JAK1: variants seen among roughly 807,000 people sequenced by gnomAD.
JAK1 encodes the protein tyrosine-protein kinase JAK1.
Under a neutral mutation model 136.6 loss-of-function variants are expected in JAK1, and 16 were observed. The ratio of observed to expected loss-of-function variants is 0.12; its 90% CI spans 0.08 to 0.18. The LOEUF (loss-of-function observed/expected upper bound fraction) is 0.18, where lower values mean the gene tolerates loss of function less well. Ranked by LOEUF, JAK1 falls within the 10% of genes least tolerant of loss-of-function variation. The pLI, the probability that JAK1 is intolerant of heterozygous loss-of-function variation, is 1.00. For synonymous variants in JAK1, 492 were observed against 519.5 expected, an observed-to-expected ratio of 0.95 and a Z score of 0.72; for missense variants, 859 against 1,450.1, an observed-to-expected ratio of 0.59 and a Z score of 6.62.
intron 1 of JAK1, among the ~76,000 whole-genome samples, chr1:64,909,380 A>C (rs1645243949): frequency 6.6e-6 from 1 of 152,146 alleles, no homozygotes; most frequent in Non-Finnish European, 1.5e-5. Flanking sequence ...ATGATGTGGA[A>C]AGGAAACTAG....
intron 2 of JAK1, among the ~76,000 whole-genome samples, chr1:65,001,496 C>A (rs11590463): frequency 0.044 from 6,689 of 152,246 alleles, 260 homozygotes; most frequent in Admixed American, 0.14. Flanking sequence ...CACGTTCAGG[C>A]CCCAGAGCTG....
At chr1:64,868,592 T>A (rs890917191) in intron 6 of JAK1, among the ~76,000 whole-genome samples, 1 of 152,228 alleles carries the variant, frequency 6.6e-6, no homozygotes, top group African/African-American at 2.4e-5. Context: ...AGCTGTGATC[T>A]GCTCTAGACT....
chr1:65,014,684 ATTC>A (rs1208844645), intron 2 of JAK1, among the ~76,000 whole-genome samples: 1 of 151,084 alleles, frequency 6.6e-6, no homozygotes, highest in Non-Finnish European at 1.5e-5. Flanking sequence ...CTATTATTCT[ATTC>A]TTTTTTTTTT....
Position 64,873,435 on chromosome 1 carries a change from T to C in JAK1, c.418A>G (p.Lys140Glu). The C allele has an allele frequency of 6.2e-7, 1 of 1,614,194 alleles. No individual in the cohort carries two copies. Among genetic ancestry groups the C allele is most frequent in the Non-Finnish European group, 8.5e-7 (1 of 1,180,038 alleles). The change falls in exon 5 of 25, where the codon AAA becomes GAA. Residue 140 changes from lysine to glutamate, a missense_variant. Coordinates refer to ENST00000342505, the MANE Select transcript of JAK1 (RefSeq NM_002227.4). ...GGGGTTGCATCTGGAATCTTTTTTT[T>C]CTCGTAGCCATTTTTCTGCTTCTTT... ...SPKKQKNGYE[K>E]KKIPDATPLL...
chr1:65,032,534 G>A (rs1647032861), intron 2 of JAK1, among the ~76,000 whole-genome samples: 1 of 152,082 alleles, frequency 6.6e-6, no homozygotes, highest in Non-Finnish European at 1.5e-5. Flanking sequence ...AAAAAAACAG[G>A]CTAAAGGAAA....
In JAK1 at chr1:64,847,520, G is replaced by A; in HGVS notation, c.1899+12C>T. 1 of 1,613,862 alleles carries A rather than the reference G, an allele frequency of 6.2e-7. No homozygotes were observed. The highest frequency in any genetic ancestry group is 8.5e-7 in the Non-Finnish European group (1 of 1,179,936). ...GAGAGGGGAGGGGAGGAGTTCAGAG[G>A]AAGACACTTGCCAGGGAAATATCCC... On this transcript the variant is annotated intron_variant, in intron 13 of 24. Coordinates refer to ENST00000342505, the MANE Select transcript of JAK1 (RefSeq NM_002227.4).
chr1:65,000,596 G>A (rs925266209), intron 2 of JAK1, among the ~76,000 whole-genome samples: 2 of 152,048 alleles, frequency 1.3e-5, no homozygotes, highest in East Asian at 3.9e-4. Context: ...ATAGGGCTTT[G>A]GTTAAATAAA....
intron 3 of JAK1, among the ~76,000 whole-genome samples, chr1:64,882,170 C>T (rs1644783743): frequency 6.6e-6 from 1 of 152,214 alleles, no homozygotes; most frequent in Admixed American, 6.5e-5. Flanking sequence ...CTTCCCCATA[C>T]CATAAGCCTC....
chr1:65,064,535 C>G lies in JAK1; in HGVS notation c.-181+3069G>C, dbSNP rs138330046. ...TTCCAAAAGACTGAGTATTTTAGCTCAGAGAGGAAAGCATATCTCAATTCA... is the reference window on the plus strand; with the variant it reads ...TTCCAAAAGACTGAGTATTTTAGCTGAGAGAGGAAAGCATATCTCAATTCA... On this transcript the variant is annotated intron_variant, in intron 1 of 25. Transcript: ENST00000671954. Among the ~76,000 whole-genome samples the G allele has an allele frequency of 2.1e-3, 319 of 152,302 alleles. 1 individual carries two copies. Among genetic ancestry groups the G allele is most frequent in the Non-Finnish European group, 3.4e-3 (228 of 68,020 alleles).
At chr1:64,962,391 T>G (rs1444259440) in intron 1 of JAK1, among the ~76,000 whole-genome samples, 3 of 152,198 alleles carry the variant, frequency 2.0e-5, no homozygotes, top group African/African-American at 7.2e-5. Context: ...CTAAAGCAGG[T>G]CTTGCCTCGG....
At chr1:65,009,024 CT>C (rs1299239467) in intron 2 of JAK1, among the ~76,000 whole-genome samples, 1 of 152,032 alleles carries the variant, frequency 6.6e-6, no homozygotes, top group Non-Finnish European at 1.5e-5. Flanking sequence ...TTCACAAAGT[CT>C]TTGAAGGTTA....
At chr1:65,053,834 A>C (rs1448306018) in intron 1 of JAK1, among the ~76,000 whole-genome samples, 1 of 152,192 alleles carries the variant, frequency 6.6e-6, no homozygotes, top group Non-Finnish European at 1.5e-5. Context: ...GGCCCCCCAA[A>C]ACAGGATAAG....
chr1:64,903,302 C>T (rs915779694), intron 1 of JAK1, among the ~76,000 whole-genome samples: 1 of 152,208 alleles, frequency 6.6e-6, no homozygotes, highest in African/African-American at 2.4e-5. Context: ...GCTGGGACTA[C>T]AGGTGTAAGC....
At chr1:64,883,011 G>A (rs1362180778) in intron 3 of JAK1, among the ~76,000 whole-genome samples, 1 of 152,080 alleles carries the variant, frequency 6.6e-6, no homozygotes, top group Non-Finnish European at 1.5e-5. Flanking sequence ...GAAGTCAAGC[G>A]TCATCCCCTG....
chr1:65,043,700 A>ATTTTTTTTTTTTTTT (rs112982943), intron 2 of JAK1, among the ~76,000 whole-genome samples: 2 of 101,248 alleles, frequency 2.0e-5, no homozygotes, highest in Non-Finnish European at 2.1e-5. Flanking sequence ...CACCTGGCTA[A>ATTTTTTTTTTTTTTT]TTTTTTTTTT....
intron 2 of JAK1, among the ~76,000 whole-genome samples, chr1:64,977,774 G>A (rs900132802): frequency 6.6e-6 from 1 of 152,148 alleles, no homozygotes; most frequent in South Asian, 2.1e-4. Context: ...TCTCTTACTT[G>A]CATTTGTTGA....
intron 1 of JAK1, among the ~76,000 whole-genome samples, chr1:64,890,964 A>G (rs185249672): frequency 1.6e-4 from 24 of 152,272 alleles, no homozygotes; most frequent in Admixed American, 1.5e-3. Context: ...CTAACCTTCA[A>G]TGTTCTTGGT....
chr1:64,838,916 C>G (rs1031961678), intron 20 of JAK1, among the ~76,000 whole-genome samples: 1 of 151,782 alleles, frequency 6.6e-6, no homozygotes, highest in African/African-American at 2.4e-5. Flanking sequence ...GAGGCCGAGG[C>G]GGGCGGATCA....
intron 1 of JAK1, among the ~76,000 whole-genome samples, chr1:64,928,796 A>AAAAAAAAAAAAAAAAAAAAAAAAT (rs58742571): frequency 1.6e-5 from 2 of 125,268 alleles, no homozygotes; most frequent in Non-Finnish European, 1.6e-5. Context: ...AAAAAAAAAA[A>AAAAAAAAAAAAAAAAAAAAAAAAT]CAAAAAAAAA....
Sources: gnomAD v4.1 joint callset for allele counts (sites outside exome capture counted in the v4.1 genomes callset) on GRCh38, gnomAD v4.1.1 for gene constraint, MANE v1.5 for transcripts, NCBI Gene and HGNC (gene_info 2026-07-23, HGNC 2026-07-21) for gene names.